PDE4B: variants seen among roughly 807,000 people sequenced by gnomAD.
PDE4B encodes the protein 3',5'-cyclic-AMP phosphodiesterase 4B.
PDE4B carries 20 observed loss-of-function variants against 82.2 expected under a neutral mutation model. The ratio of observed to expected loss-of-function variants is 0.24; its 90% CI spans 0.17 to 0.35. The LOEUF (loss-of-function observed/expected upper bound fraction) is 0.35, where lower values mean the gene tolerates loss of function less well. Among genes scored for constraint, PDE4B ranks in the 10% least tolerant of loss-of-function variants. The pLI is 1.00. For missense variants in PDE4B, 655 were observed against 907.2 expected, an observed-to-expected ratio of 0.72 and a Z score of 3.57; for synonymous variants, 320 against 318.9, an observed-to-expected ratio of 1.00 and a Z score of -0.04.
chr1:66,006,082 C>T (rs1046596478), intron 3 of PDE4B, among the ~76,000 whole-genome samples: 1 of 152,136 alleles, frequency 6.6e-6, no homozygotes, highest in African/African-American at 2.4e-5. Context: ...ATCAGATTTT[C>T]AAAAATGTGT....
At chr1:66,060,777 A>G (rs1036564721) in intron 3 of PDE4B, among the ~76,000 whole-genome samples, 5 of 152,068 alleles carry the variant, frequency 3.3e-5, no homozygotes, top group African/African-American at 1.2e-4. Context: ...AGTTATTCCA[A>G]TTGTAGGAAA....
At chr1:66,266,129 A>G (rs373393520) in intron 7 of PDE4B, 42 bp downstream of exon 7, 124 of 1,377,500 alleles carry the variant, frequency 9.0e-5, no homozygotes, top group Middle Eastern at 3.6e-4. Context: ...TTCAAGATAG[A>G]ATAATAAACA....
chr1:65,980,882 C>T (rs1310505000), intron 3 of PDE4B, among the ~76,000 whole-genome samples: 1 of 152,040 alleles, frequency 6.6e-6, no homozygotes, highest in East Asian at 1.9e-4. Flanking sequence ...AACACAGTAT[C>T]ATTAGAATTT....
chr1:66,308,652 T>A (rs1024680234), intron 7 of PDE4B, among the ~76,000 whole-genome samples: 1 of 152,212 alleles, frequency 6.6e-6, no homozygotes, highest in African/African-American at 2.4e-5. Context: ...TTTGTACTTA[T>A]GAGATTCATT....
intron 2 of PDE4B, 122 bp downstream of exon 2, chr1:65,913,478 C>A: frequency 2.2e-6 from 2 of 888,914 alleles, no homozygotes; most frequent in Non-Finnish European, 3.7e-6. Context: ...GTTTCTATGA[C>A]ATGGGCACAG....
intron 1 of PDE4B, among the ~76,000 whole-genome samples, chr1:65,827,380 A>C (rs1426753353): frequency 6.6e-6 from 1 of 152,146 alleles, no homozygotes; most frequent in East Asian, 1.9e-4. Context: ...CATGTTAAAA[A>C]CTCTATTGGA....
chr1:66,000,032 C>G (rs962353915), intron 3 of PDE4B, among the ~76,000 whole-genome samples: 17 of 152,216 alleles, frequency 1.1e-4, no homozygotes, highest in African/African-American at 4.1e-4. Flanking sequence ...TAATATCTCA[C>G]TAGAGCCTAA....
At chr1:65,863,240 C>A (rs1243629402) in intron 1 of PDE4B, among the ~76,000 whole-genome samples, 1 of 152,146 alleles carries the variant, frequency 6.6e-6, no homozygotes, top group East Asian at 1.9e-4. Flanking sequence ...TTCTTTATTT[C>A]TTCCTTAATT....
At chr1:65,922,007 A>G (rs1266408257) in intron 3 of PDE4B, among the ~76,000 whole-genome samples, 1 of 152,208 alleles carries the variant, frequency 6.6e-6, no homozygotes, top group Admixed American at 6.5e-5. Flanking sequence ...AAACATTAAC[A>G]TGATTTTATC....
chr1:66,085,500 G>A (rs1656958803), intron 3 of PDE4B, among the ~76,000 whole-genome samples: 1 of 152,092 alleles, frequency 6.6e-6, no homozygotes, highest in Non-Finnish European at 1.5e-5. Flanking sequence ...GAGAGAAGGT[G>A]CACATTTAAT....
Position 65,923,192 on chromosome 1 carries a change from G to A in PDE4B, c.281+4357G>A, listed in dbSNP as rs1647314056. 2.0e-5 allele frequency among the ~76,000 whole-genome samples: 3 copies of A among 152,140 alleles called. No homozygotes were observed. The South Asian group carries it at 6.2e-4, about 32-fold the overall frequency. ...GCCTAAGTCATCTTCCACTGTAAAGGCTGTAGTTTCTTCAGGCCCATAGGA... is the reference window on the plus strand; with the variant it reads ...GCCTAAGTCATCTTCCACTGTAAAGACTGTAGTTTCTTCAGGCCCATAGGA... On this transcript the variant is annotated intron_variant, in intron 3 of 16. Transcript: ENST00000341517.
chr1:65,795,163 A>G (rs949211363), intron 1 of PDE4B, among the ~76,000 whole-genome samples: 5 of 152,228 alleles, frequency 3.3e-5, no homozygotes, highest in African/African-American at 1.2e-4. Context: ...AAGATACTGG[A>G]CACAGAAATA....
intron 8 of PDE4B, 82 bp from the exon 9 acceptor site, chr1:66,355,445 C>T: frequency 1.2e-6 from 1 of 827,188 alleles, no homozygotes; most frequent in Non-Finnish European, 2.0e-6. Context: ...CTCTTGATTC[C>T]TGGACAGTAA....
rs1252347580 is a variant in PDE4B at position 66,253,563 on chromosome 1, G to T, written c.477-4084G>T. ...TCTGGACTTGCTCCTGAGAGGCATT[G>T]CCTTCTCCAGGGGTTTGGGAAAGTA... On this transcript the variant is annotated intron_variant, in intron 4 of 16. Coordinates refer to ENST00000341517, the MANE Select transcript of PDE4B (RefSeq NM_002600.4). Among the ~76,000 whole-genome samples the T allele has an allele frequency of 4.6e-5, 7 of 152,302 alleles. No individual in the cohort carries two copies. The East Asian group carries it at 1.3e-3, about 29-fold the overall frequency.
intron 1 of PDE4B, among the ~76,000 whole-genome samples, chr1:65,910,468 A>C (rs1302124124): frequency 6.6e-6 from 1 of 152,150 alleles, no homozygotes; most frequent in Non-Finnish European, 1.5e-5. Flanking sequence ...TTACCTTCTG[A>C]CTATTGTAAA....
At chr1:66,336,025 G>C (rs1283455309) in intron 8 of PDE4B, among the ~76,000 whole-genome samples, 1 of 152,164 alleles carries the variant, frequency 6.6e-6, no homozygotes, top group Non-Finnish European at 1.5e-5. Flanking sequence ...AAAGAGGAAC[G>C]GAAAGAGAAA....
intron 1 of PDE4B, among the ~76,000 whole-genome samples, chr1:65,810,628 G>C (rs947693304): frequency 6.6e-6 from 1 of 152,002 alleles, no homozygotes; most frequent in Non-Finnish European, 1.5e-5. Flanking sequence ...GAAATGGAGA[G>C]GTTCAGATTA....
intron 3 of PDE4B, among the ~76,000 whole-genome samples, chr1:66,019,328 T>A (rs1273305902): frequency 6.6e-6 from 1 of 151,468 alleles, no homozygotes; most frequent in Non-Finnish European, 1.5e-5. Context: ...TAGCAAATAT[T>A]ATTTAGAAAA....
chr1:66,257,880 TTG>T lies in PDE4B; in HGVS notation c.584+20_584+21del. On this transcript the variant is annotated intron_variant, in intron 6 of 16. Transcript: ENST00000341517. ...ATCTAACAAGTAAGGATTGACTTTT[TTG>T]TGGAGTTTGAATCCCTAACATAAAG... 1 of 1,589,646 alleles carries T rather than the reference TTG, an allele frequency of 6.3e-7. No homozygotes were observed.
Sources: gnomAD v4.1 joint callset for allele counts (sites outside exome capture counted in the v4.1 genomes callset) on GRCh38, gnomAD v4.1.1 for gene constraint, MANE v1.5 for transcripts, NCBI Gene and HGNC (gene_info 2026-07-23, HGNC 2026-07-21) for gene names.